The following DUS2 variants were observed in gnomAD, a reference collection of about 807,000 sequenced individuals.
DUS2 encodes tRNA-dihydrouridine(20) synthase [NAD(P)+]-like.
A neutral mutation model predicts 71.3 loss-of-function variants in DUS2; 52 were observed. That is an observed-to-expected ratio of 0.73 (90% CI 0.58 to 0.92). The LOEUF is 0.92. Among genes scored for constraint, DUS2 ranks in the 40% least tolerant of loss-of-function variants. DUS2 has a pLI of 0.00. For synonymous variants in DUS2, 204 were observed against 227.8 expected, an observed-to-expected ratio of 0.90 and a Z score of 0.94; for missense variants, 558 against 622.6, an observed-to-expected ratio of 0.90 and a Z score of 1.10.
At chr16:68,076,753 G>A in intron 15 of DUS2, 34 bp downstream of exon 15, 1 of 1,563,580 alleles carries the variant, frequency 6.4e-7, no homozygotes, top group East Asian at 2.2e-5. Context: ...CCTGCAGCCA[G>A]TCACAGCACT....
chr16:68,070,510 C>T (rs972807886), intron 11 of DUS2, among the ~76,000 whole-genome samples: 15 of 152,246 alleles, frequency 9.9e-5, no homozygotes, highest in Admixed American at 3.3e-4. Context: ...CCTAACTGGG[C>T]CTCCTTCCTT....
At chr16:68,024,902 G>A (rs1428870120) in intron 1 of DUS2, among the ~76,000 whole-genome samples, 1 of 150,654 alleles carries the variant, frequency 6.6e-6, no homozygotes, top group Admixed American at 6.6e-5. Flanking sequence ...TGCGATGTCA[G>A]CTCACTGCAG....
At chr16:68,053,821 T>C in intron 5 of DUS2, 166 bp downstream of exon 5, 1 of 645,452 alleles carries the variant, frequency 1.5e-6, no homozygotes, top group East Asian at 2.8e-5. Flanking sequence ...TCATGAGTAA[T>C]TATACTATTG....
At chr16:68,064,723 C>T (rs2033982754) in intron 8 of DUS2, among the ~76,000 whole-genome samples, 1 of 152,220 alleles carries the variant, frequency 6.6e-6, no homozygotes, top group African/African-American at 2.4e-5. Context: ...TGGAGCAGCA[C>T]CTAGAGACTG....
Position 68,032,793 on chromosome 16 carries a change from A to G in DUS2, c.-18-5213A>G, listed in dbSNP as rs2033458631. Among the ~76,000 whole-genome samples the G allele has an allele frequency of 2.0e-5, 3 of 150,764 alleles. 1 individual carries two copies. In the South Asian group the frequency reaches 6.3e-4, roughly 32 times the overall value. On this transcript the variant is annotated intron_variant, in intron 2 of 16. Coordinates refer to ENST00000565263, the MANE Select transcript of DUS2 (RefSeq NM_017803.5). Reference sequence around the variant, plus strand: ...GCTGGGTGTGGTGGTGGGTGCCTGTAATCCCAGCTACTCGGGAGGCTGAGG... The same window carrying G: ...GCTGGGTGTGGTGGTGGGTGCCTGTGATCCCAGCTACTCGGGAGGCTGAGG...
At chr16:68,038,258 A>T in intron 3 of DUS2, 109 bp downstream of exon 3, 2 of 1,459,846 alleles carry the variant, frequency 1.4e-6, no homozygotes, top group Non-Finnish European at 9.2e-7. Context: ...AATTGACTTT[A>T]TAGGTGTTCA....
At position 68,073,878 on chromosome 16, in the gene DUS2, T is replaced by A. The variant is rs564834164; in HGVS notation, c.811-156T>A. On this transcript the variant is annotated intron_variant, in intron 12 of 16. Transcript: ENST00000565263. ...TGCTGGGATTACAGATGTGAGCCAC[T>A]GCTCCTGGCCAGTGGTGGTTCTTCT... is the stretch of plus-strand genomic sequence containing the variant. Among the ~76,000 whole-genome samples, 3 of 152,310 alleles carry A rather than the reference T, an allele frequency of 2.0e-5. No homozygotes were observed. In the East Asian group the frequency reaches 5.8e-4, roughly 29 times the overall value.
chr16:68,024,135 C>T (rs2033305655), intron 1 of DUS2: 1 of 143,878 alleles, frequency 7.0e-6, no homozygotes, highest in Non-Finnish European at 1.5e-5. Context: ...CTCGTTCTGT[C>T]ACCCAGGCTG....
At chr16:68,067,342 C>T (rs1488447393) in intron 10 of DUS2, among the ~76,000 whole-genome samples, 8 of 126,446 alleles carry the variant, frequency 6.3e-5, no homozygotes, top group African/African-American at 3.1e-5. Flanking sequence ...AGTGCAGTAG[C>T]GCAGTCTTGG....
intron 7 of DUS2, among the ~76,000 whole-genome samples, chr16:68,058,170 A>G (rs2033888212): frequency 6.6e-6 from 1 of 151,278 alleles, no homozygotes. Context: ...AGACTGCAGG[A>G]TCGAAAACCT....
intron 3 of DUS2, among the ~76,000 whole-genome samples, chr16:68,039,369 T>C (rs1367400394): frequency 6.6e-6 from 1 of 151,806 alleles, no homozygotes; most frequent in Admixed American, 6.6e-5. Flanking sequence ...GAGGATCGCT[T>C]GAGCCCAGGT....
At chr16:68,075,279 G>C in intron 13 of DUS2, 76 bp from the exon 14 acceptor site, 1 of 1,406,924 alleles carries the variant, frequency 7.1e-7, no homozygotes, top group Non-Finnish European at 9.4e-7. Context: ...CTCAGTGGTG[G>C]GGCCCTGGGG....
intron 1 of DUS2, among the ~76,000 whole-genome samples, chr16:68,024,299 A>G (rs1050558563): frequency 6.6e-6 from 1 of 152,038 alleles, no homozygotes; most frequent in African/African-American, 2.4e-5. Flanking sequence ...GGGTTTCACT[A>G]TGTAGGCCTG....
In DUS2 at chr16:68,023,289, G is replaced by A. The variant is rs2033288023; in HGVS notation, c.-161G>A. ...TACGGTGGCTGGCGAGGCTCAGTAC[G>A]GTGTGTGGAGCTGGAGCACCGTGAG... On this transcript the variant is annotated 5_prime_UTR_variant, in exon 1 of 17. Transcript: ENST00000565263. The A allele has an allele frequency of 3.5e-6, 5 of 1,439,060 alleles. No individual in the cohort carries two copies. The highest frequency in any genetic ancestry group is 2.4e-5 in the East Asian group (1 of 41,468). The allele number at this position is 1,439,060 out of a possible 1,614,324, so 89.1% of individuals were successfully genotyped here. A position where few individuals can be genotyped will look rare whatever the true frequency, so the allele number is the denominator to read the frequency against.
At chr16:68,053,236 C>T (rs1442868902) in intron 4 of DUS2, among the ~76,000 whole-genome samples, 1 of 152,246 alleles carries the variant, frequency 6.6e-6, no homozygotes, top group African/African-American at 2.4e-5. Flanking sequence ...GCTGGGATTA[C>T]AGGCGTAAGC....
At chr16:68,050,881 CA>C (rs753727578) in intron 4 of DUS2, among the ~76,000 whole-genome samples, 163 of 152,288 alleles carry the variant, frequency 1.1e-3, no homozygotes, top group Middle Eastern at 3.4e-3. Flanking sequence ...TATAAACACA[CA>C]AATATTTTGT....
chr16:68,058,381 C>T (rs1355068654), intron 7 of DUS2, among the ~76,000 whole-genome samples: 1 of 151,964 alleles, frequency 6.6e-6, no homozygotes, highest in Non-Finnish European at 1.5e-5. Context: ...CCCGCCACCA[C>T]ACCCAACTAA....
chr16:68,044,087 TTTC>T (rs1418187343), intron 3 of DUS2, among the ~76,000 whole-genome samples: 4 of 152,242 alleles, frequency 2.6e-5, no homozygotes, highest in Admixed American at 6.5e-5. Context: ...TTTTTTTTTC[TTTC>T]TTCTTACTGG....
At chr16:68,059,783 A>C (rs2151421771) in intron 7 of DUS2, among the ~76,000 whole-genome samples, 1 of 152,246 alleles carries the variant, frequency 6.6e-6, no homozygotes, top group South Asian at 2.1e-4. Context: ...CTCACTCTTA[A>C]TGGATTCAGA....
Sources: allele counts gnomAD v4.1 joint callset (sites outside exome capture counted in the v4.1 genomes callset), GRCh38; gene constraint gnomAD v4.1.1; transcripts MANE v1.5; gene names NCBI Gene and HGNC (gene_info 2026-07-23, HGNC 2026-07-21).